The following ACER2 variants were observed in gnomAD, a reference collection of about 807,000 sequenced individuals.
ACER2 encodes alkaline ceramidase 2, also known as alkCDase 2.
A neutral mutation model predicts 34.7 loss-of-function variants in ACER2; 26 were observed. The ratio of observed to expected loss-of-function variants is 0.75; its 90% CI spans 0.55 to 1.04. ACER2 has a LOEUF of 1.04. Among genes scored for constraint, ACER2 ranks in the 50% least tolerant of loss-of-function variants. The pLI, the probability that ACER2 is intolerant of heterozygous loss-of-function variation, is 0.00. For synonymous variants in ACER2, 138 were observed against 132.1 expected, an observed-to-expected ratio of 1.04 and a Z score of -0.31; for missense variants, 352 against 340.8, an observed-to-expected ratio of 1.03 and a Z score of -0.26.
chr9:19,431,878 A>G (rs569434448), intron 3 of ACER2, among the ~76,000 whole-genome samples: 1 of 152,338 alleles, frequency 6.6e-6, no homozygotes, highest in Admixed American at 6.5e-5. Flanking sequence ...TTTATAATGG[A>G]ATTTCATTCA....
intron 1 of ACER2, among the ~76,000 whole-genome samples, chr9:19,416,235 T>G (rs192206409): frequency 6.6e-6 from 1 of 152,344 alleles, no homozygotes; most frequent in East Asian, 1.9e-4. Context: ...ATTGCTAGTT[T>G]AACAAGAGGA....
intron 5 of ACER2, among the ~76,000 whole-genome samples, chr9:19,447,027 A>G (rs1256694377): frequency 7.2e-6 from 1 of 139,136 alleles, no homozygotes; most frequent in Non-Finnish European, 1.5e-5. Flanking sequence ...ACACTAAGTT[A>G]AAAAAAAAAA....
At chr9:19,432,329 G>A (rs1249816909) in intron 3 of ACER2, among the ~76,000 whole-genome samples, 1 of 152,012 alleles carries the variant, frequency 6.6e-6, no homozygotes, top group Non-Finnish European at 1.5e-5. Flanking sequence ...TTTTAAACTA[G>A]GTTGCTTTAT....
intron 1 of ACER2, among the ~76,000 whole-genome samples, chr9:19,419,392 C>T (rs1830333779): frequency 6.6e-6 from 1 of 152,110 alleles, no homozygotes; most frequent in African/African-American, 2.4e-5. Flanking sequence ...TCTCAGACAA[C>T]TTGTCCATAT....
At chr9:19,418,086 C>G (rs756972351) in intron 1 of ACER2, among the ~76,000 whole-genome samples, 1 of 152,170 alleles carries the variant, frequency 6.6e-6, no homozygotes, top group Non-Finnish European at 1.5e-5. Flanking sequence ...GGCCTACAAA[C>G]ATATGAAAAA....
intron 1 of ACER2, among the ~76,000 whole-genome samples, chr9:19,422,176 C>T (rs1472131822): frequency 6.6e-6 from 1 of 151,368 alleles, no homozygotes; most frequent in Non-Finnish European, 1.5e-5. Flanking sequence ...TGGTGCATGC[C>T]TGTAATCCTA....
rs1329823965 is a variant in ACER2 at position 19,451,442 on chromosome 9, C to A, written c.*806C>A. On this transcript the variant is annotated 3_prime_UTR_variant, in exon 6 of 6. Coordinates refer to ENST00000340967, the MANE Select transcript of ACER2 (RefSeq NM_001010887.3). ...CCAGGTTTTACATGCATCTGTGAAT[C>A]CTTTTACTACTACCTCTGTGGAGAG... is the stretch of plus-strand genomic sequence containing the variant. 1 of 152,642 alleles carries A rather than the reference C, an allele frequency of 6.6e-6. No individual in the cohort carries two copies. The highest frequency in any genetic ancestry group is 1.5e-5 in the Non-Finnish European group (1 of 68,042). 9.5% of individuals were successfully genotyped at this position (152,642 alleles called of 1,614,324 possible).
intron 5 of ACER2, among the ~76,000 whole-genome samples, chr9:19,448,523 T>C (rs971739738): frequency 1.3e-5 from 2 of 152,150 alleles, no homozygotes; most frequent in African/African-American, 4.8e-5. Flanking sequence ...GCAAACACTT[T>C]ATAATGAACA....
rs1830012254 is a variant in ACER2 at position 19,409,308 on chromosome 9, AG to A, written c.108+120del. The A allele has an allele frequency of 6.0e-6, 6 of 1,001,426 alleles. No homozygotes were observed. In the East Asian group the frequency reaches 1.6e-4, roughly 26 times the overall value. 62.0% of individuals were successfully genotyped at this position (1,001,426 alleles called of 1,614,324 possible). A position where few individuals can be genotyped will look rare whatever the true frequency, so the allele number is the denominator to read the frequency against. ...GCGCGCATCTGGGGGCATTCTCTCCAGGGGCTGAGTCAGTCCACACCCCCTC... is the reference window on the plus strand; with the variant it reads ...GCGCGCATCTGGGGGCATTCTCTCCAGGGCTGAGTCAGTCCACACCCCCTC... On this transcript the variant is annotated intron_variant, in intron 1 of 5. Coordinates refer to ENST00000340967, the MANE Select transcript of ACER2 (RefSeq NM_001010887.3).
intron 1 of ACER2, among the ~76,000 whole-genome samples, chr9:19,421,437 T>C (rs960083703): frequency 6.6e-6 from 1 of 152,222 alleles, no homozygotes; most frequent in African/African-American, 2.4e-5. Flanking sequence ...GTATATGCTG[T>C]AATATGGATG....
intron 4 of ACER2, among the ~76,000 whole-genome samples, chr9:19,445,873 C>G (rs1831339568): frequency 6.6e-6 from 1 of 152,008 alleles, no homozygotes; most frequent in Admixed American, 6.6e-5. Flanking sequence ...ATGGCGGTAG[C>G]ATGGATCTAG....
intron 1 of ACER2, chr9:19,409,850 A>C (rs1022811923): frequency 3.0e-6 from 3 of 985,366 alleles, no homozygotes; most frequent in Non-Finnish European, 3.6e-6. Context: ...TGAGGGATGA[A>C]AGGAAAGTTT....
intron 3 of ACER2, among the ~76,000 whole-genome samples, chr9:19,431,467 C>A (rs75304393): frequency 6.6e-6 from 1 of 152,160 alleles, no homozygotes; most frequent in Admixed American, 6.5e-5. Flanking sequence ...AGAGAGGTGA[C>A]GCACTCTGGA....
chr9:19,412,737 C>G (rs1830121886), intron 1 of ACER2, among the ~76,000 whole-genome samples: 1 of 150,496 alleles, frequency 6.6e-6, no homozygotes, highest in African/African-American at 2.4e-5. Context: ...ACTGTGTAAA[C>G]TCTTATGTAC....
rs1231255917 is a variant in ACER2, at chr9:19,436,645, CCTT to C, written c.503+1564_503+1566del. Among the ~76,000 whole-genome samples the C allele has an allele frequency of 5.3e-5, 8 of 152,226 alleles. 1 individual carries two copies. Among genetic ancestry groups the C allele is most frequent in the Admixed American group, 4.6e-4 (7 of 15,288 alleles). ...TCACTTAGGAATGTATTGTAGTCCT[CCTT>C]CTCTGTAAATCAATACAGATCTAGG... On this transcript the variant is annotated intron_variant, in intron 4 of 5. Coordinates refer to ENST00000340967, the MANE Select transcript of ACER2 (RefSeq NM_001010887.3).
At chr9:19,421,471 T>A (rs1020308710) in intron 1 of ACER2, among the ~76,000 whole-genome samples, 7 of 152,102 alleles carry the variant, frequency 4.6e-5, no homozygotes, top group East Asian at 3.9e-4. Flanking sequence ...TTATGCTAAA[T>A]GAAAAAATAA....
chr9:19,418,078 C>T (rs1392902736), intron 1 of ACER2, among the ~76,000 whole-genome samples: 15 of 152,262 alleles, frequency 9.9e-5, no homozygotes, highest in Non-Finnish European at 1.6e-4. Flanking sequence ...ATTTATGTGG[C>T]CTACAAACAT....
Sources: allele counts gnomAD v4.1 joint callset (sites outside exome capture counted in the v4.1 genomes callset), GRCh38; gene constraint gnomAD v4.1.1; transcripts MANE v1.5; gene names NCBI Gene and HGNC (gene_info 2026-07-23, HGNC 2026-07-21).